Variants in ESYT1 observed in about 807,000 individuals in gnomAD.
ESYT1 encodes extended synaptotagmin-1.
A neutral mutation model predicts 154.2 loss-of-function variants in ESYT1; 116 were observed. The observed-to-expected ratio is 0.75, with a 90% confidence interval of 0.65 to 0.88. The LOEUF (loss-of-function observed/expected upper bound fraction) is 0.88. ESYT1 is among the 40% of genes least tolerant of loss of function. The probability of loss-of-function intolerance (pLI) is 0.00; values close to 1 mark genes in which losing one functional copy is unlikely to be tolerated. For missense variants in ESYT1, 1,264 were observed against 1,379.3 expected (o/e 0.92, Z 1.32); for synonymous variants, 500 against 539.9 (o/e 0.93, Z 1.02).
intron 10 of ESYT1, among the ~76,000 whole-genome samples, 187 bp from the exon 11 acceptor site, chr12:56,133,230 C>T (rs966396501): frequency 6.6e-6 from 1 of 152,158 alleles, no homozygotes; most frequent in Admixed American, 6.5e-5. Flanking sequence ...TCCTTCCTAA[C>T]CTCCCCACCC....
chr12:56,128,830 C>T, intron 1 of ESYT1, 121 bp downstream of exon 1: 2 of 1,227,750 alleles, frequency 1.6e-6, no homozygotes, highest in Non-Finnish European at 2.3e-6. Flanking sequence ...CCCAGACTTT[C>T]CCCTCTCTCC....
intron 1 of ESYT1, chr12:56,129,264 T>G: frequency 6.2e-6 from 1 of 161,234 alleles, no homozygotes; most frequent in Non-Finnish European, 1.4e-5. Flanking sequence ...GCCGCCAGAC[T>G]GCAGCGCGGC....
At chr12:56,133,346 C>G in intron 10 of ESYT1, 71 bp from the exon 11 acceptor site, 1 of 1,562,986 alleles carries the variant, frequency 6.4e-7, no homozygotes, top group Non-Finnish European at 8.8e-7. Flanking sequence ...AGTGGAGGGC[C>G]ACTGACATGC....
chr12:56,136,249 T>A (rs1870447502), intron 15 of ESYT1, among the ~76,000 whole-genome samples: 4 of 151,852 alleles, frequency 2.6e-5, no homozygotes, highest in Non-Finnish European at 5.9e-5. Context: ...AGGATTTAAA[T>A]AGGCCGAGGG....
intron 16 of ESYT1, 112 bp from the exon 17 acceptor site, chr12:56,137,106 A>C: frequency 7.0e-7 from 1 of 1,419,560 alleles, no homozygotes; most frequent in Non-Finnish European, 9.8e-7. Flanking sequence ...GAGCCCAGCC[A>C]GGGCAGCACC....
rs1489011954 is a variant in ESYT1 at position 56,142,636 on chromosome 12, C to T, written c.2792C>T (p.Ser931Phe). 1 of 1,614,144 alleles carries T rather than the reference C, an allele frequency of 6.2e-7. No homozygotes were observed. Among genetic ancestry groups the T allele is most frequent in the Middle Eastern group, 1.6e-4 (1 of 6,062 alleles). ...EAHSHSYSHS[S>F]SSLSEEPELS... The stretch of plus-strand genomic sequence containing the variant: ...CATAGCCACAGCTACAGCCACAGCT[C>T]CTCATCGCTGAGTGAAGAACCAGAG... The change falls in exon 26 of 31, where the codon TCC (serine) becomes TTC (phenylalanine). Residue 931 changes from serine to phenylalanine, a missense_variant. By Grantham distance (155) the Ser-to-Phe change is radical. Transcript: ENST00000394048. The surrounding 1 kb of genome is among the most constrained non-coding windows in gnomAD (Gnocchi z 4.1).
intron 15 of ESYT1, among the ~76,000 whole-genome samples, chr12:56,136,207 A>G (rs11171753): frequency 0.016 from 2,453 of 152,210 alleles, 66 homozygotes; most frequent in African/African-American, 0.055. Flanking sequence ...GAAGCAAAAA[A>G]TTGGATTTTA....
At chr12:56,137,458 C>A in intron 17 of ESYT1, 41 bp from the exon 18 acceptor site, 1 of 1,609,110 alleles carries the variant, frequency 6.2e-7, no homozygotes, top group African/African-American at 1.3e-5. Context: ...TGACAGGTCT[C>A]TCTCCCTTTG....
In ESYT1 at chr12:56,138,242, C is replaced by T; in HGVS notation, c.2307C>T (p.Thr769=). Residue 769 remains threonine, a synonymous_variant, in exon 21 of 31, where the codon ACC becomes ACT. Transcript: ENST00000394048. ...GRLHLRLERL[T]PRPTAAELEE... Reference sequence around the variant, plus strand: ...TGCACTTGCGCCTGGAGCGTCTCACCCCCCGTCCCACTGCTGCTGAGTTAG... The same window carrying T: ...TGCACTTGCGCCTGGAGCGTCTCACTCCCCGTCCCACTGCTGCTGAGTTAG... 1 of 1,614,224 alleles carries T rather than the reference C, an allele frequency of 6.2e-7. No individual in the cohort carries two copies. Among genetic ancestry groups the T allele is most frequent in the Non-Finnish European group, 8.5e-7 (1 of 1,180,048 alleles).
intron 16 of ESYT1, 41 bp from the exon 17 acceptor site, chr12:56,137,177 A>G (rs1870492875): frequency 1.2e-6 from 2 of 1,611,350 alleles, no homozygotes. Flanking sequence ...GCTGGTGACG[A>G]GCTGCACTTC....
At position 56,133,677 on chromosome 12, in the gene ESYT1, A is replaced by G. The variant is rs543967772; in HGVS notation, c.1380+3A>G. ...CAGATGCAGAGAAACTGGAGCAGGT[A>G]AGCCACATGGGAAATAGGAAGCTGG... On this transcript the variant is annotated splice_donor_region_variant and intron_variant, in intron 12 of 30. Transcript: ENST00000394048. 1.9e-6 allele frequency: 3 copies of G among 1,614,218 alleles called. No individual in the cohort carries two copies. Among genetic ancestry groups the G allele is most frequent in the Non-Finnish European group, 2.5e-6 (3 of 1,180,028 alleles).
rs1451090633 is a variant in ESYT1, at chr12:56,134,344, T to C, written c.1548T>C (p.Ala516=). The part of the protein sequence containing the change: ...SIQDVTQESK[A]VYSTNCPVWE... ...TAATCCCTCCTCTACATCTCCAGGC[T>C]GTCTACAGTACCAACTGCCCAGTGT... Residue 516 remains alanine, a splice_region_variant and synonymous_variant, in exon 15 of 31, where the codon GCT becomes GCC. Transcript: ENST00000394048. 6.2e-7 allele frequency: 1 copy of C among 1,613,962 alleles called. No homozygotes were observed. Among genetic ancestry groups the C allele is most frequent in the Non-Finnish European group, 8.5e-7 (1 of 1,179,992 alleles).
chr12:56,132,944 C>T (rs186943303), intron 10 of ESYT1, 143 bp downstream of exon 10: 456 of 687,026 alleles, frequency 6.6e-4, no homozygotes, highest in Non-Finnish European at 1.1e-3. Context: ...CACGGTGAAA[C>T]CCCATCTCTA....
intron 22 of ESYT1, 49 bp downstream of exon 22, chr12:56,138,548 C>T (rs1345021189): frequency 1.3e-6 from 2 of 1,520,188 alleles, no homozygotes; most frequent in Non-Finnish European, 1.8e-6. Context: ...CTTCTTCCAC[C>T]TTCCTCCGGT....
In ESYT1 at chr12:56,144,155, G is replaced by A; in HGVS notation, c.*293G>A. 1.5e-6 allele frequency: 2 copies of A among 1,353,134 alleles called. No homozygotes were observed. Among genetic ancestry groups the A allele is most frequent in the South Asian group, 1.7e-5 (1 of 58,482 alleles). The allele number at this position is 1,353,134 out of a possible 1,614,324, so 83.8% of individuals were successfully genotyped here. A position where few individuals can be genotyped will look rare whatever the true frequency, so the allele number is the denominator to read the frequency against. ...TCCTCCCAACTCCTCAGGGCCTTCT[G>A]TATCTGTGCCTGGCCAGTGGCAGCA... On this transcript the variant is annotated 3_prime_UTR_variant, in exon 31 of 31. Coordinates refer to ENST00000394048, the MANE Select transcript of ESYT1 (RefSeq NM_015292.3).
intron 21 of ESYT1, 43 bp from the exon 22 acceptor site, chr12:56,138,361 A>G (rs1315530325): frequency 6.2e-7 from 1 of 1,611,874 alleles, no homozygotes; most frequent in Non-Finnish European, 8.5e-7. Context: ...CCAGAACCCA[A>G]GGTGTCAGTT....
chr12:56,131,167 C>T, intron 4 of ESYT1, 54 bp downstream of exon 4: 1 of 1,612,888 alleles, frequency 6.2e-7, no homozygotes, highest in South Asian at 1.1e-5. Flanking sequence ...CTGTTCAGTC[C>T]AGGCTACTTC....
chr12:56,137,350 C>G lies in ESYT1; in HGVS notation c.1915C>G (p.Pro639Ala). 1.2e-6 allele frequency: 2 copies of G among 1,614,168 alleles called. No homozygotes were observed. Among genetic ancestry groups the G allele is most frequent in the African/African-American group, 2.7e-5 (2 of 75,028 alleles). The change falls in exon 17 of 31, where the codon CCT (proline) becomes GCT (alanine). Residue 639 changes from proline (P) to alanine (A), a missense_variant. Physicochemically the swap from Pro to Ala is conservative, Grantham distance 27 (BLOSUM62 -1). Transcript: ENST00000394048. ...CCCACCTCGACCCTGTCACACGACT[C>G]CTGATAGCCAGTTTGGGACTGAGGT... Reference protein sequence around the residue: ...DAPPRPCHTTPDSQFGTEHVL... With the variant: ...DAPPRPCHTTADSQFGTEHVL...
rs759509043 is a variant in ESYT1, at chr12:56,143,911, G to A, written c.*49G>A. On this transcript the variant is annotated 3_prime_UTR_variant, in exon 31 of 31. Coordinates refer to ENST00000394048, the MANE Select transcript of ESYT1 (RefSeq NM_015292.3). ...TGCTCTGTCTTCCTGCCTTCGTCTC[G>A]CTCCATCACCGCCTCAATGTGATGA... The A allele has an allele frequency of 2.7e-5, 44 of 1,612,324 alleles. No individual in the cohort carries two copies. The highest frequency in any genetic ancestry group is 3.3e-4 in the Middle Eastern group (2 of 5,982).
Sources: allele counts gnomAD v4.1 joint callset (sites outside exome capture counted in the v4.1 genomes callset), GRCh38; gene constraint gnomAD v4.1.1; non-coding constraint Gnocchi (gnomAD v3.1); transcripts MANE v1.5; gene names NCBI Gene and HGNC (gene_info 2026-07-23, HGNC 2026-07-21).